The following TBCK variants were observed in gnomAD, a reference collection of about 807,000 sequenced individuals.
TBCK encodes the protein TBC1 domain containing kinase, also known as TBC domain-containing protein kinase-like protein.
In TBCK, 99 loss-of-function variants were observed where a neutral mutation model predicts 113.4. The observed-to-expected ratio is 0.87, with a 90% CI of 0.74 to 1.03. The LOEUF (loss-of-function observed/expected upper bound fraction) is 1.03, where lower values mean the gene tolerates loss of function less well. TBCK is among the 50% of genes least tolerant of loss of function. TBCK has a pLI of 0.00. For missense variants in TBCK, 1,045 were observed against 1,061.3 expected, an observed-to-expected ratio of 0.98 and a Z score of 0.21; for synonymous variants, 369 against 370.8, an observed-to-expected ratio of 1.00 and a Z score of 0.05.
chr4:106,206,061 C>T (rs928947517), intron 20 of TBCK, among the ~76,000 whole-genome samples: 59 of 152,078 alleles, frequency 3.9e-4, no homozygotes, highest in Admixed American at 6.5e-4. Context: ...TTTTAAATCT[C>T]TATAAATATC....
At chr4:106,098,421 A>G (rs1394521664) in intron 24 of TBCK, among the ~76,000 whole-genome samples, 2 of 152,046 alleles carry the variant, frequency 1.3e-5, no homozygotes, top group African/African-American at 4.8e-5. Context: ...CCCCAATCAC[A>G]TATATATCAT....
At chr4:106,248,891 A>T in intron 8 of TBCK, 30 bp downstream of exon 8, 1 of 1,558,180 alleles carries the variant, frequency 6.4e-7, no homozygotes, top group Non-Finnish European at 8.7e-7. Context: ...TAGCAGCACA[A>T]ATGGACTAAG....
chr4:106,083,768 G>GTGACGTCTCCAGCCTCCTTGAC (rs1739185156), intron 25 of TBCK, among the ~76,000 whole-genome samples: 2 of 152,248 alleles, frequency 1.3e-5, no homozygotes, highest in South Asian at 4.1e-4. Flanking sequence ...GCCTCCTTGA[G>GTGACGTCTCCAGCCTCCTTGAC]TGACATCTCC....
At chr4:106,126,301 G>A (rs796890046) in intron 23 of TBCK, among the ~76,000 whole-genome samples, 2 of 152,040 alleles carry the variant, frequency 1.3e-5, no homozygotes, top group South Asian at 4.2e-4. Flanking sequence ...TAGACTAAAA[G>A]CTTCTCAAGC....
intron 23 of TBCK, among the ~76,000 whole-genome samples, chr4:106,148,273 C>T (rs368142267): frequency 9.2e-5 from 14 of 152,304 alleles, no homozygotes; most frequent in African/African-American, 3.4e-4. Context: ...TGACCCACAC[C>T]TATTCGCACA....
intron 19 of TBCK, among the ~76,000 whole-genome samples, chr4:106,220,016 A>G (rs1258269516): frequency 6.6e-6 from 1 of 152,222 alleles, no homozygotes; most frequent in Admixed American, 6.5e-5. Flanking sequence ...TTGAACAAAT[A>G]GTACTAAATT....
intron 20 of TBCK, among the ~76,000 whole-genome samples, chr4:106,204,344 G>C (rs912270612): frequency 6.6e-6 from 1 of 152,216 alleles, no homozygotes; most frequent in African/African-American, 2.4e-5. Context: ...CTCTACACCA[G>C]CTTTCTTAAA....
rs1297494853 is a variant in TBCK, at chr4:106,295,185, A to ATT, written c.194-20_194-19insAA. On this transcript the variant is annotated intron_variant, in intron 2 of 25. Coordinates refer to ENST00000394708, the MANE Select transcript of TBCK (RefSeq NM_001163435.3). ...AGTCGTTCTGAGAAAAACAAAGCAA[A>ATT]CCCATGTTATATTTTATCAATACAA... The ATT allele has an allele frequency of 1.9e-6, 3 of 1,607,312 alleles. No individual in the cohort carries two copies. The highest frequency in any genetic ancestry group is 2.5e-6 in the Non-Finnish European group (3 of 1,177,362).
intron 23 of TBCK, among the ~76,000 whole-genome samples, chr4:106,142,433 AT>A (rs1438405402): frequency 2.0e-5 from 3 of 152,186 alleles, no homozygotes; most frequent in Non-Finnish European, 4.4e-5. Flanking sequence ...GACAAACTGA[AT>A]TTTTAGCAGT....
intron 19 of TBCK, among the ~76,000 whole-genome samples, chr4:106,217,855 T>C (rs1304516518): frequency 4.7e-5 from 7 of 148,634 alleles, no homozygotes; most frequent in Non-Finnish European, 1.1e-4. Context: ...CTTCACAGAA[T>C]TGGAAAAAAC....
intron 20 of TBCK, among the ~76,000 whole-genome samples, chr4:106,206,419 G>A (rs1053820610): frequency 2.0e-5 from 3 of 152,176 alleles, no homozygotes; most frequent in Admixed American, 1.3e-4. Context: ...CACTACGAGA[G>A]AGAGACTTTA....
At chr4:106,216,060 T>A (rs1296320413) in intron 19 of TBCK, among the ~76,000 whole-genome samples, 3 of 151,720 alleles carry the variant, frequency 2.0e-5, no homozygotes, top group Non-Finnish European at 2.9e-5. Flanking sequence ...GGATTAAGAA[T>A]CTCACTCAAA....
intron 23 of TBCK, among the ~76,000 whole-genome samples, chr4:106,147,528 T>A (rs777709116): frequency 6.6e-6 from 1 of 152,150 alleles, no homozygotes; most frequent in African/African-American, 2.4e-5. Flanking sequence ...AATTAATACT[T>A]TCAAAATTTC....
intron 3 of TBCK, among the ~76,000 whole-genome samples, chr4:106,286,685 T>C (rs1389077209): frequency 2.0e-5 from 3 of 151,984 alleles, no homozygotes; most frequent in South Asian, 2.1e-4. Context: ...AAAATAGCCA[T>C]GTATGGTGAT....
intron 25 of TBCK, among the ~76,000 whole-genome samples, chr4:106,070,759 A>G (rs1737315495): frequency 6.6e-6 from 1 of 152,132 alleles, no homozygotes; most frequent in Admixed American, 6.5e-5. Flanking sequence ...TTGGGCTGTG[A>G]ATCCATCTGG....
intron 23 of TBCK, among the ~76,000 whole-genome samples, chr4:106,152,758 CTTG>C (rs894533968): frequency 4.6e-5 from 7 of 152,118 alleles, no homozygotes; most frequent in South Asian, 2.1e-4. Flanking sequence ...ACTCTCATTA[CTTG>C]TTGTTGATCT....
chr4:106,058,126 TA>T (rs1479958822), intron 25 of TBCK, among the ~76,000 whole-genome samples: 3 of 151,790 alleles, frequency 2.0e-5, no homozygotes, highest in African/African-American at 7.3e-5. Context: ...GGCACCATGC[TA>T]GGGGCTGGGG....
chr4:106,203,066 G>A (rs1755064119), intron 20 of TBCK, among the ~76,000 whole-genome samples: 1 of 151,812 alleles, frequency 6.6e-6, no homozygotes, highest in Non-Finnish European at 1.5e-5. Context: ...TGGAATAAAA[G>A]ACAGCTGTTC....
intron 24 of TBCK, among the ~76,000 whole-genome samples, chr4:106,097,029 T>C (rs1741004096): frequency 6.6e-6 from 1 of 152,182 alleles, no homozygotes; most frequent in African/African-American, 2.4e-5. Flanking sequence ...TAAGGTGATT[T>C]TGTAGGCTCG....
Sources: allele counts gnomAD v4.1 joint callset (sites outside exome capture counted in the v4.1 genomes callset), GRCh38; gene constraint gnomAD v4.1.1; transcripts MANE v1.5; gene names NCBI Gene and HGNC (gene_info 2026-07-23, HGNC 2026-07-21).